Variants in SNAP47 observed in about 807,000 individuals in gnomAD.
SNAP47 encodes the protein synaptosomal-associated protein 47.
A neutral mutation model predicts 31.4 loss-of-function variants in SNAP47; 20 were observed. That is an observed-to-expected ratio of 0.64 (90% CI 0.45 to 0.93). The LOEUF (loss-of-function observed/expected upper bound fraction) is 0.93. Among genes scored for constraint, SNAP47 ranks in the 40% least tolerant of loss-of-function variants. The pLI is 0.00. For missense variants in SNAP47, 492 were observed against 528.5 expected, an observed-to-expected ratio of 0.93 and a Z score of 0.68; for synonymous variants, 194 against 213.4, an observed-to-expected ratio of 0.91 and a Z score of 0.79.
At chr1:227,733,179 G>A, upstream of SNAP47, 1 of 959,474 alleles carries the variant, frequency 1.0e-6, no homozygotes, top group East Asian at 2.6e-5. Context: ...CAGCAGGGAA[G>A]TGGGTGGCGG....
Position 227,766,976 on chromosome 1 carries a change from C to G in SNAP47, c.1006C>G (p.Arg336Gly). 1 of 1,613,802 alleles carries G rather than the reference C, an allele frequency of 6.2e-7. No homozygotes were observed. The highest frequency in any genetic ancestry group is 8.5e-7 in the Non-Finnish European group (1 of 1,180,010). Residue 336 changes from arginine to glycine, a missense_variant, in exon 4 of 5, where the codon CGT (arginine) becomes GGT (glycine). Physicochemically the swap from Arg to Gly is moderately radical, Grantham distance 125. Coordinates refer to ENST00000617596, the MANE Select transcript of SNAP47 (RefSeq NM_053052.4). The part of the protein sequence containing the change: ...VWHAASGLMG[R>G]TLHREPPAGD... ...CCTTGCAGCATCTGGGCTGATGGGCCGTACCCTGCACCGTGAGCCACCCGC... is the reference window on the plus strand; with the variant it reads ...CCTTGCAGCATCTGGGCTGATGGGCGGTACCCTGCACCGTGAGCCACCCGC...
At chr1:227,736,850 T>A (rs1661237674) in intron 1 of SNAP47, among the ~76,000 whole-genome samples, 1 of 151,986 alleles carries the variant, frequency 6.6e-6, no homozygotes, top group South Asian at 2.1e-4. Flanking sequence ...AGGGGAACTT[T>A]CATATAGAGT....
At chr1:227,734,965 C>T (rs1660977702), upstream of SNAP47, 2 of 1,500,662 alleles carry the variant, frequency 1.3e-6, no homozygotes, top group Non-Finnish European at 1.8e-6. Context: ...GGGCCTGGGT[C>T]CCGCCGGCCT....
intron 1 of SNAP47, chr1:227,746,167 C>T (rs1219277677): frequency 6.6e-6 from 1 of 152,224 alleles, no homozygotes; most frequent in Non-Finnish European, 1.5e-5. Flanking sequence ...GAAATGGGGC[C>T]CTTCCCCTCT....
intron 1 of SNAP47, among the ~76,000 whole-genome samples, chr1:227,737,596 G>A (rs1040043284): frequency 2.0e-5 from 3 of 152,224 alleles, no homozygotes; most frequent in Admixed American, 2.0e-4. Context: ...TATAAGTGGG[G>A]ATATGGGAGG....
upstream of SNAP47, chr1:227,735,284 A>C: frequency 1.2e-6 from 2 of 1,606,484 alleles, no homozygotes; most frequent in Non-Finnish European, 1.7e-6. Flanking sequence ...CCAGCTCAGC[A>C]CGGGTCGAAG....
chr1:227,759,482 G>A lies in SNAP47; in HGVS notation c.985G>A (p.Ala329Thr). The change falls in exon 3 of 5, where the codon GCA (alanine) becomes ACA (threonine). Residue 329 changes from alanine (A) to threonine (T), a missense_variant. Transcript: ENST00000617596. ...PAEKSCSVWH[A>T]ASGLMGRTLH... Reference sequence around the variant, plus strand: ...AGAGAAGAGCTGCTCAGTCTGGCATGCAGGTTAGTGACCGACAAGGCAGTG... The same window carrying A: ...AGAGAAGAGCTGCTCAGTCTGGCATACAGGTTAGTGACCGACAAGGCAGTG... 1 of 1,613,318 alleles carries A rather than the reference G, an allele frequency of 6.2e-7. No individual in the cohort carries two copies. Among genetic ancestry groups the A allele is most frequent in the East Asian group, 2.2e-5 (1 of 44,870 alleles).
rs1405373152 is a variant in SNAP47 at position 227,781,046 on chromosome 1, A to G, written c.*373A>G. 2 of 207,900 alleles carry G rather than the reference A, an allele frequency of 9.6e-6. No homozygotes were observed. The highest frequency in any genetic ancestry group is 1.1e-4 in the Admixed American group (2 of 18,616). The allele number at this position is 207,900 out of a possible 1,614,324, so 12.9% of individuals were successfully genotyped here. On this transcript the variant is annotated 3_prime_UTR_variant, in exon 5 of 5. Transcript: ENST00000617596. The stretch of plus-strand genomic sequence containing the variant: ...GTACTATAAATTTGTGAGTGAAGTT[A>G]GAGCCCAGCTCACTTAGCCAGCTCA...
At chr1:227,735,402 C>T (rs760124542), upstream of SNAP47, 4 of 1,568,780 alleles carry the variant, frequency 2.5e-6, no homozygotes, top group African/African-American at 2.8e-5. Context: ...GGCTCCGGGC[C>T]TGCACGCATG....
chr1:227,742,429 T>C (rs1661669746), intron 1 of SNAP47, among the ~76,000 whole-genome samples: 1 of 152,200 alleles, frequency 6.6e-6, no homozygotes, highest in East Asian at 1.9e-4. Context: ...ATTTTAGAGC[T>C]GGTGACCTTA....
At chr1:227,769,289 A>G (rs925058456) in intron 4 of SNAP47, among the ~76,000 whole-genome samples, 8 of 152,080 alleles carry the variant, frequency 5.3e-5, no homozygotes, top group African/African-American at 1.9e-4. Flanking sequence ...CAGTCACCCA[A>G]GGTATGGGGT....
At chr1:227,729,495 G>A (rs1018088843) in intron 1 of SNAP47, among the ~76,000 whole-genome samples, 1 of 152,190 alleles carries the variant, frequency 6.6e-6, no homozygotes, top group Admixed American at 6.5e-5. Flanking sequence ...ACAGGGCTGA[G>A]GTTGACACTC....
chr1:227,748,597 T>A (rs1436626963), intron 2 of SNAP47, among the ~76,000 whole-genome samples: 1 of 152,212 alleles, frequency 6.6e-6, no homozygotes, highest in Non-Finnish European at 1.5e-5. Context: ...TCCTATGTGG[T>A]GATGGGGACA....
At chr1:227,738,300 A>C (rs1245047591) in intron 1 of SNAP47, among the ~76,000 whole-genome samples, 7 of 152,118 alleles carry the variant, frequency 4.6e-5, no homozygotes, top group African/African-American at 1.7e-4. Context: ...TCGGCCTCCC[A>C]AAGTGCTGGG....
Position 227,748,202 on chromosome 1 carries a change from A to G in SNAP47, c.466A>G (p.Lys156Glu), listed in dbSNP as rs1662104967. Reference sequence around the variant, plus strand: ...GGACAGCGTCATGAGAGGCCTGGACAAGATGGAGTCAGACCTGGAGGTGGC... The same window carrying G: ...GGACAGCGTCATGAGAGGCCTGGACGAGATGGAGTCAGACCTGGAGGTGGC... ...QLDSVMRGLD[K>E]MESDLEVADR... The change falls in exon 2 of 5, where the codon AAG becomes GAG. Residue 156 changes from lysine to glutamate, a missense_variant. Physicochemically the swap from Lys to Glu is moderately conservative, Grantham distance 56 (BLOSUM62 1). Coordinates refer to ENST00000617596, the MANE Select transcript of SNAP47 (RefSeq NM_053052.4). 6.2e-7 allele frequency: 1 copy of G among 1,602,434 alleles called. No homozygotes were observed. Among genetic ancestry groups the G allele is most frequent in the Non-Finnish European group, 8.5e-7 (1 of 1,174,220 alleles).
chr1:227,779,712 G>A (rs1482897585), intron 4 of SNAP47, among the ~76,000 whole-genome samples: 2 of 152,222 alleles, frequency 1.3e-5, no homozygotes, highest in Non-Finnish European at 2.9e-5. Context: ...GCGCTTCACA[G>A]TGTGGTTCAC....
At chr1:227,766,616 CCA>C (rs967731981) in intron 3 of SNAP47, among the ~76,000 whole-genome samples, 3 of 152,258 alleles carry the variant, frequency 2.0e-5, no homozygotes, top group African/African-American at 7.2e-5. Context: ...CTGCAGTTCC[CCA>C]GTCGTGTGTG....
At chr1:227,754,550 C>G (rs888846343) in intron 2 of SNAP47, among the ~76,000 whole-genome samples, 1 of 152,228 alleles carries the variant, frequency 6.6e-6, no homozygotes, top group Non-Finnish European at 1.5e-5. Flanking sequence ...CCTTCCCTTT[C>G]CAGCACTTCC....
At chr1:227,734,880 A>C, upstream of SNAP47, 1 of 1,598,770 alleles carries the variant, frequency 6.3e-7, no homozygotes, top group Non-Finnish European at 8.5e-7. Context: ...AACCGTCTGC[A>C]GAGGAACTCT....
Sources: gnomAD v4.1 joint callset for allele counts (sites outside exome capture counted in the v4.1 genomes callset) on GRCh38, gnomAD v4.1.1 for gene constraint, MANE v1.5 for transcripts, NCBI Gene and HGNC (gene_info 2026-07-23, HGNC 2026-07-21) for gene names.